Variants in SART3 observed in about 807,000 individuals in gnomAD.
SART3 encodes the protein spliceosome associated factor 3, U4/U6 recycling protein, also known as HIV-1 Tat-interacting protein of 110kDa.
Under a neutral mutation model 122.3 loss-of-function variants are expected in SART3, and 44 were observed. The observed-to-expected ratio is 0.36, with a 90% CI of 0.28 to 0.46. SART3 has a LOEUF of 0.46. SART3 is among the 20% of genes least tolerant of loss of function. The pLI, the probability that SART3 is intolerant of heterozygous loss-of-function variation, is 1.00. For missense variants in SART3, 1,101 were observed against 1,229.0 expected (o/e 0.90, Z 1.56); for synonymous variants, 442 against 454.0 (o/e 0.97, Z 0.34).
chr12:108,532,101 G>T, intron 13 of SART3, 121 bp downstream of exon 13: 1 of 785,574 alleles, frequency 1.3e-6, no homozygotes. Flanking sequence ...CTAATCATAG[G>T]GCACCACCTA....
chr12:108,549,490 C>T (rs1393797839), intron 1 of SART3, among the ~76,000 whole-genome samples: 2 of 152,098 alleles, frequency 1.3e-5, no homozygotes, highest in Non-Finnish European at 2.9e-5. Flanking sequence ...TCTAATGAAA[C>T]AAATAAAAAG....
intron 1 of SART3, among the ~76,000 whole-genome samples, chr12:108,558,689 C>T (rs1283291159): frequency 2.0e-5 from 3 of 152,198 alleles, no homozygotes; most frequent in Admixed American, 6.5e-5. Flanking sequence ...CCCAGTGTCA[C>T]GCTGTGTTTG....
intron 13 of SART3, 135 bp downstream of exon 13, chr12:108,532,087 C>G: frequency 1.4e-6 from 1 of 718,922 alleles, no homozygotes; most frequent in Non-Finnish European, 2.5e-6. Flanking sequence ...ACACTTGTGA[C>G]AGTCTAATCA....
chr12:108,538,859 C>T, intron 7 of SART3, 75 bp downstream of exon 7: 2 of 1,582,560 alleles, frequency 1.3e-6, no homozygotes, highest in Non-Finnish European at 8.7e-7. Flanking sequence ...ATGCAACAAA[C>T]TCCTGGCACT....
intron 17 of SART3, chr12:108,524,793 C>G (rs1872294561): frequency 2.0e-6 from 1 of 500,294 alleles, no homozygotes; most frequent in African/African-American, 1.9e-5. Flanking sequence ...AGGAAAAAGA[C>G]AGATGGACCA....
rs755725385 is a variant in SART3 at position 108,530,285 on chromosome 12, A to G, written c.1772T>C (p.Val591Ala). ...TTCAGCCTTTTCTTCTTCTTGCTGC[A>G]CAAGGGCTGCTTCCTTCTCTGCAGC... is the stretch of plus-strand genomic sequence containing the variant. ...MKAAEKEAAL[V>A]QQEEEKAEQR... The change falls in exon 15 of 19, where the codon GTG becomes GCG. Residue 591 changes from valine (V) to alanine (A), a missense_variant. This residue lies in a region of SART3 where 885 missense variants were observed against 1,080.1 expected (regional missense o/e 0.82). Coordinates refer to ENST00000546815, the MANE Select transcript of SART3 (RefSeq NM_014706.4). 1 of 1,613,950 alleles carries G rather than the reference A, an allele frequency of 6.2e-7. No homozygotes were observed. Among genetic ancestry groups the G allele is most frequent in the African/African-American group, 1.3e-5 (1 of 74,954 alleles).
At chr12:108,548,994 GT>G (rs147236609) in intron 2 of SART3, 93 bp downstream of exon 2, 128,232 of 1,576,490 alleles carry the variant, frequency 0.081, 6,070 homozygotes, top group South Asian at 0.17. Flanking sequence ...AACGTTCCAG[GT>G]TTTCTACAAG....
chr12:108,558,295 A>C (rs12299269), intron 1 of SART3, among the ~76,000 whole-genome samples: 34,363 of 152,242 alleles, frequency 0.23, 4,250 homozygotes, highest in East Asian at 0.49. Context: ...CAGCAGGAAG[A>C]AGCAGCTGTG....
intron 15 of SART3, among the ~76,000 whole-genome samples, chr12:108,529,296 C>T (rs923408958): frequency 4.0e-5 from 6 of 151,716 alleles, no homozygotes; most frequent in Non-Finnish European, 8.8e-5. Flanking sequence ...CACATGCACA[C>T]GCACACGCAC....
In SART3 at chr12:108,523,525, C is replaced by T. The variant is rs377329323; in HGVS notation, c.2824G>A (p.Ala942Thr). ...NGPAAAPAVA[A>T]PAATEAPKMS... ...TTGGGTGCCTCGGTGGCTGCTGGGG[C>T]GGCAACTGCAGGAGCCGCGGCAGGG... Residue 942 changes from alanine to threonine, a missense_variant, in exon 19 of 19, where the codon GCC becomes ACC. By Grantham distance (58) the Ala-to-Thr change is moderately conservative. Coordinates refer to ENST00000546815, the MANE Select transcript of SART3 (RefSeq NM_014706.4). The T allele has an allele frequency of 1.4e-5, 22 of 1,613,538 alleles. No individual in the cohort carries two copies. The highest frequency in any genetic ancestry group is 2.7e-5 in the African/African-American group (2 of 74,882).
intron 12 of SART3, among the ~76,000 whole-genome samples, chr12:108,534,015 A>T (rs1035083292): frequency 1.1e-4 from 17 of 152,226 alleles, no homozygotes; most frequent in Non-Finnish European, 8.8e-5. Flanking sequence ...AGACAGAATC[A>T]GTAACAGACA....
chr12:108,529,445 T>C (rs1486897574), intron 15 of SART3, among the ~76,000 whole-genome samples: 27 of 152,096 alleles, frequency 1.8e-4, no homozygotes, highest in Admixed American at 1.8e-3. Context: ...GGCTGAGTTA[T>C]GGAAAGTATA....
chr12:108,525,015 T>C (rs1270497639), intron 17 of SART3: 3 of 299,850 alleles, frequency 1.0e-5, no homozygotes, highest in Non-Finnish European at 1.9e-5. Context: ...CAAAAGGACT[T>C]AGCAGGAGAC....
chr12:108,544,869 C>G, intron 4 of SART3: 1 of 578,852 alleles, frequency 1.7e-6, no homozygotes. Flanking sequence ...TTGGCCAACT[C>G]TGGTTCTTTC....
chr12:108,529,764 A>C (rs1328766975), intron 15 of SART3, among the ~76,000 whole-genome samples: 1 of 152,018 alleles, frequency 6.6e-6, no homozygotes, highest in African/African-American at 2.4e-5. Context: ...GGCACAACAC[A>C]GCAACTGGCC....
chr12:108,559,039 GA>G lies in SART3; in HGVS notation c.312+1803del, dbSNP rs747479698. ...CAGAGCAAGACTCCGTCTCAAAAAA[GA>G]AAAAAAAAAAAAAAAAAAAAAGTAG... On this transcript the variant is annotated intron_variant, in intron 1 of 18. Transcript: ENST00000546815. 8.6e-4 allele frequency among the ~76,000 whole-genome samples: 89 copies of G among 103,946 alleles called. 1 individual carries two copies. The highest frequency in any genetic ancestry group is 1.3e-3 in the South Asian group (4 of 3,108). 68.2% of individuals were successfully genotyped at this position (103,946 alleles called of 152,430 possible).
intron 6 of SART3, among the ~76,000 whole-genome samples, chr12:108,540,749 T>C (rs1160704405): frequency 6.7e-6 from 1 of 149,992 alleles, no homozygotes; most frequent in African/African-American, 2.5e-5. Context: ...CAGTGTAACA[T>C]AAACCAGTGG....
chr12:108,548,539 A>C (rs1227115016), intron 2 of SART3, among the ~76,000 whole-genome samples: 1 of 152,256 alleles, frequency 6.6e-6, no homozygotes, highest in Non-Finnish European at 1.5e-5. Flanking sequence ...GCTTTGCAGA[A>C]GGGAAAAGGG....
intron 1 of SART3, among the ~76,000 whole-genome samples, chr12:108,549,758 G>A (rs749943571): frequency 1.3e-5 from 2 of 152,180 alleles, no homozygotes; most frequent in African/African-American, 4.8e-5. Flanking sequence ...GCTCACATCT[G>A]TGATCCCAGC....
Sources: gnomAD v4.1 joint callset for allele counts (sites outside exome capture counted in the v4.1 genomes callset) on GRCh38, gnomAD v4.1.1 for gene constraint, gnomAD v4.1.1 regional missense constraint, MANE v1.5 for transcripts, NCBI Gene and HGNC (gene_info 2026-07-23, HGNC 2026-07-21) for gene names.